The following DPP6 variants were observed in gnomAD, a reference collection of about 807,000 sequenced individuals.
The protein encoded by DPP6 is A-type potassium channel modulatory protein DPP6.
A neutral mutation model predicts 122.6 loss-of-function variants in DPP6; 69 were observed. The observed-to-expected ratio is 0.56, with a 90% CI of 0.46 to 0.69. The LOEUF (loss-of-function observed/expected upper bound fraction) is 0.69. Among genes scored for constraint, DPP6 ranks in the 30% least tolerant of loss-of-function variants. The probability of loss-of-function intolerance (pLI) is 0.00; values close to 1 mark genes in which losing one functional copy is unlikely to be tolerated. For synonymous variants in DPP6, 418 were observed against 433.1 expected, an observed-to-expected ratio of 0.97 and a Z score of 0.43; for missense variants, 928 against 1,116.9, an observed-to-expected ratio of 0.83 and a Z score of 2.41.
At chr7:153,921,512 A>G (rs1800638243) in intron 1 of DPP6, among the ~76,000 whole-genome samples, 1 of 152,254 alleles carries the variant, frequency 6.6e-6, no homozygotes, top group African/African-American at 2.4e-5. Flanking sequence ...GAGGGTAGAG[A>G]AATCAATCAA....
At chr7:153,772,881 A>G in the DPP6 span, among the ~76,000 whole-genome samples, 1 of 144,340 alleles carries the variant, frequency 6.9e-6, no homozygotes, top group Non-Finnish European at 1.5e-5. Context: ...CTTTTATATT[A>G]ATATCATAGA....
At chr7:154,060,602 T>C (rs1801644910) in intron 1 of DPP6, among the ~76,000 whole-genome samples, 1 of 107,452 alleles carries the variant, frequency 9.3e-6, no homozygotes, top group Admixed American at 9.6e-5. Context: ...CCAGTCCCTC[T>C]TCCCCCCCCT....
At chr7:153,797,995 C>A in the DPP6 span, among the ~76,000 whole-genome samples, 2 of 152,202 alleles carry the variant, frequency 1.3e-5, no homozygotes, top group Admixed American at 6.5e-5. Context: ...GTGCCCGTCA[C>A]CATGCCCAGC....
intron 5 of DPP6, among the ~76,000 whole-genome samples, chr7:154,610,925 A>AAGACATG (rs1833876650): frequency 6.6e-6 from 1 of 151,576 alleles, no homozygotes; most frequent in Non-Finnish European, 1.5e-5. Context: ...CTAACCTCTC[A>AAGACATG]CCTTTGTAAG....
At chr7:154,315,770 T>A (rs1245455821) in intron 1 of DPP6, among the ~76,000 whole-genome samples, 1 of 152,160 alleles carries the variant, frequency 6.6e-6, no homozygotes, top group Non-Finnish European at 1.5e-5. Flanking sequence ...AATATGGTTC[T>A]GTCCTCAACC....
At chr7:154,713,712 G>GA (rs1415031351) in intron 7 of DPP6, among the ~76,000 whole-genome samples, 1 of 152,192 alleles carries the variant, frequency 6.6e-6, no homozygotes, top group Non-Finnish European at 1.5e-5. Context: ...TCCAGGCCAG[G>GA]AAAACTATTT....
chr7:154,651,202 T>A (rs1189671418), intron 6 of DPP6, among the ~76,000 whole-genome samples: 1 of 152,104 alleles, frequency 6.6e-6, no homozygotes, highest in East Asian at 1.9e-4. Flanking sequence ...CACTAGGTAC[T>A]GTGGATTTGA....
At chr7:153,773,771 C>T in the DPP6 span, among the ~76,000 whole-genome samples, 1 of 149,672 alleles carries the variant, frequency 6.7e-6, no homozygotes, top group Non-Finnish European at 1.5e-5. Flanking sequence ...TTAAATCAAT[C>T]ATCTAAGCTT....
chr7:154,141,227 T>A (rs576331907), intron 1 of DPP6, among the ~76,000 whole-genome samples: 94 of 152,372 alleles, frequency 6.2e-4, no homozygotes, highest in Non-Finnish European at 1.1e-3. Flanking sequence ...CTTACCATAT[T>A]GAAGAAGTCA....
intron 1 of DPP6, among the ~76,000 whole-genome samples, chr7:154,429,838 C>T (rs1818212324): frequency 6.6e-6 from 1 of 152,164 alleles, no homozygotes; most frequent in South Asian, 2.1e-4. Context: ...ATCAGCAATG[C>T]AGGTCGCGCT....
intron 7 of DPP6, among the ~76,000 whole-genome samples, chr7:154,678,928 C>G (rs1180960699): frequency 1.3e-5 from 2 of 152,162 alleles, no homozygotes; most frequent in Non-Finnish European, 1.5e-5. Flanking sequence ...GGCTGTGGAG[C>G]CTTGTGTAAA....
rs192409244 is a variant in DPP6 at position 154,247,087 on chromosome 7, C to T, written c.243+194024C>T. 1.9e-3 allele frequency among the ~76,000 whole-genome samples: 294 copies of T among 152,214 alleles called. 1 individual carries two copies. Among genetic ancestry groups the T allele is most frequent in the African/African-American group, 6.8e-3 (283 of 41,528 alleles). ...CAGCATTTTGGGGGGCCGAGGTCAG[C>T]GGATCATTTGAGGTCAGGAGTTTGA... On this transcript the variant is annotated intron_variant, in intron 1 of 25. Transcript: ENST00000377770.
At chr7:154,317,293 G>T (rs184988431) in intron 1 of DPP6, among the ~76,000 whole-genome samples, 1 of 152,084 alleles carries the variant, frequency 6.6e-6, no homozygotes, top group African/African-American at 2.4e-5. Flanking sequence ...TCAGGAGATT[G>T]AGACCATCCT....
the DPP6 span, among the ~76,000 whole-genome samples, chr7:153,873,763 G>A: frequency 2.6e-5 from 4 of 152,328 alleles, no homozygotes; most frequent in East Asian, 7.7e-4. Flanking sequence ...TCCAGAAAAG[G>A]TCAAAGGCAC....
chr7:154,113,503 CTT>C (rs1462049284), intron 1 of DPP6, among the ~76,000 whole-genome samples: 1 of 152,114 alleles, frequency 6.6e-6, no homozygotes, highest in African/African-American at 2.4e-5. Context: ...GGTGATACCT[CTT>C]TGTGGTTTTG....
intron 2 of DPP6, among the ~76,000 whole-genome samples, chr7:154,447,417 G>A (rs982304468): frequency 7.2e-5 from 11 of 152,004 alleles, no homozygotes; most frequent in Non-Finnish European, 1.6e-4. Flanking sequence ...GCCTATTTGT[G>A]CAGGCAAAAA....
At chr7:153,758,558 C>A in the DPP6 span, among the ~76,000 whole-genome samples, 1 of 152,064 alleles carries the variant, frequency 6.6e-6, no homozygotes, top group African/African-American at 2.4e-5. Context: ...GAAAACCGAT[C>A]TTTTTTTTCT....
chr7:154,570,671 C>T (rs1029262626), intron 5 of DPP6, among the ~76,000 whole-genome samples: 1 of 152,188 alleles, frequency 6.6e-6, no homozygotes, highest in African/African-American at 2.4e-5. Context: ...TGCTAATTAG[C>T]ATGCTTTTTC....
At chr7:154,663,009 G>T (rs79885711) in intron 6 of DPP6, among the ~76,000 whole-genome samples, 8,329 of 47,612 alleles carry the variant, frequency 0.17, 2,486 homozygotes, top group Non-Finnish European at 0.32. Flanking sequence ...TAGTGTTCAC[G>T]CAGTCATGGT....
Sources: gnomAD v4.1 joint callset for allele counts (sites outside exome capture counted in the v4.1 genomes callset) on GRCh38, gnomAD v4.1.1 for gene constraint, MANE v1.5 for transcripts, NCBI Gene and HGNC (gene_info 2026-07-23, HGNC 2026-07-21) for gene names.